TMEM38B: variants seen among roughly 807,000 people sequenced by gnomAD.
TMEM38B encodes transmembrane protein 38B, also known as trimeric intracellular cation channel type B.
TMEM38B carries 24 observed loss-of-function variants against 28.7 expected under a neutral mutation model. That is an observed-to-expected ratio of 0.84 (90% CI 0.61 to 1.18). The LOEUF is 1.18. Among genes scored for constraint, TMEM38B ranks in the 50% most tolerant of loss-of-function variants. TMEM38B has a pLI of 0.00. For missense variants in TMEM38B, 380 were observed against 350.9 expected, an observed-to-expected ratio of 1.08 and a Z score of -0.66; for synonymous variants, 131 against 127.7, an observed-to-expected ratio of 1.03 and a Z score of -0.17.
At chr9:105,723,831 A>T (rs1370423432) in intron 4 of TMEM38B, among the ~76,000 whole-genome samples, 1 of 134,862 alleles carries the variant, frequency 7.4e-6, no homozygotes, top group African/African-American at 2.8e-5. Context: ...GCCTGGCCGA[A>T]CTCAGTCTTT....
chr9:105,710,725 T>C (rs1407848802), intron 2 of TMEM38B: 11 of 621,746 alleles, frequency 1.8e-5, no homozygotes, highest in Non-Finnish European at 3.1e-5. Context: ...CCTGGTGTCG[T>C]TGGCTATGTT....
At chr9:105,733,414 C>CTTTTTTTTTTT (rs1238601451) in intron 4 of TMEM38B, among the ~76,000 whole-genome samples, 2 of 123,842 alleles carry the variant, frequency 1.6e-5, no homozygotes, top group African/African-American at 7.2e-5. Context: ...TTGCAGTTTT[C>CTTTTTTTTTTT]TTTTTTCTTT....
intron 4 of TMEM38B, among the ~76,000 whole-genome samples, chr9:105,734,913 C>G (rs929616723): frequency 6.7e-6 from 1 of 148,634 alleles, no homozygotes; most frequent in African/African-American, 2.5e-5. Flanking sequence ...TTTTTTAGGG[C>G]ATTTAATCCA....
chr9:105,714,208 C>T (rs1168661297), intron 2 of TMEM38B, among the ~76,000 whole-genome samples: 1 of 152,180 alleles, frequency 6.6e-6, no homozygotes, highest in Non-Finnish European at 1.5e-5. Flanking sequence ...CACCCACCTT[C>T]CTCTCAGCTG....
chr9:105,712,705 T>C (rs1477240702), intron 2 of TMEM38B, among the ~76,000 whole-genome samples: 1 of 152,220 alleles, frequency 6.6e-6, no homozygotes, highest in Non-Finnish European at 1.5e-5. Context: ...TATTTATTAG[T>C]TGGAATATTA....
chr9:105,760,515 A>G (rs936802583), intron 5 of TMEM38B: 2 of 743,342 alleles, frequency 2.7e-6, no homozygotes, highest in Non-Finnish European at 4.9e-6. Context: ...TTGAAAAGCA[A>G]AAAGTTTCTA....
chr9:105,719,124 C>CTT (rs1836224514), intron 2 of TMEM38B, among the ~76,000 whole-genome samples: 1 of 152,164 alleles, frequency 6.6e-6, no homozygotes, highest in African/African-American at 2.4e-5. Context: ...CTCTGCCTAA[C>CTT]TTTTTGTATA....
rs1033634894 is a variant in TMEM38B at position 105,775,835 on chromosome 9, T to C, written c.*1755T>C. 2.0e-5 allele frequency: 3 copies of C among 152,158 alleles called. No homozygotes were observed. Among genetic ancestry groups the C allele is most frequent in the African/African-American group, 7.2e-5 (3 of 41,444 alleles). 9.4% of individuals were successfully genotyped at this position (152,158 alleles called of 1,614,324 possible). On this transcript the variant is annotated 3_prime_UTR_variant, in exon 6 of 6. Coordinates refer to ENST00000374692, the MANE Select transcript of TMEM38B (RefSeq NM_018112.3). Reference sequence around the variant, plus strand: ...GCACCAATGGAGTATTACATTATTTTTATGTTTTATATTTTTCTTGAGGTA... The same window carrying C: ...GCACCAATGGAGTATTACATTATTTCTATGTTTTATATTTTTCTTGAGGTA...
intron 5 of TMEM38B, among the ~76,000 whole-genome samples, chr9:105,768,406 C>CT (rs1826444886): frequency 6.6e-6 from 1 of 151,592 alleles, no homozygotes; most frequent in African/African-American, 2.4e-5. Context: ...TTTTTTTCTC[C>CT]TTTTTGTATT....
chr9:105,761,304 A>G (rs748235170), intron 5 of TMEM38B, among the ~76,000 whole-genome samples: 3 of 152,030 alleles, frequency 2.0e-5, no homozygotes, highest in Non-Finnish European at 2.9e-5. Flanking sequence ...ATATGTGTAT[A>G]TTTTATCAGA....
rs537186271 is a variant in TMEM38B, at chr9:105,755,445, G to A, written c.660+7255G>A. ...GCACATCCTGTACATGTACCCCGATGTTAAATAAAAGTTGAAGAATGAAGA... is the reference window on the plus strand; with the variant it reads ...GCACATCCTGTACATGTACCCCGATATTAAATAAAAGTTGAAGAATGAAGA... On this transcript the variant is annotated intron_variant, in intron 5 of 5. Coordinates refer to ENST00000374692, the MANE Select transcript of TMEM38B (RefSeq NM_018112.3). Among the ~76,000 whole-genome samples, 134 of 152,156 alleles carry A rather than the reference G, an allele frequency of 8.8e-4. 1 individual carries two copies. The highest frequency in any genetic ancestry group is 3.2e-3 in the African/African-American group (132 of 41,508).
chr9:105,764,349 A>C (rs1053817273), intron 5 of TMEM38B, among the ~76,000 whole-genome samples: 3 of 152,148 alleles, frequency 2.0e-5, no homozygotes, highest in Non-Finnish European at 4.4e-5. Context: ...TCTCAGCCCG[A>C]AATCTCCTTA....
At position 105,728,200 on chromosome 9, in the gene TMEM38B, G is replaced by C. The variant is rs750546883; in HGVS notation, c.542+5579G>C. 3.9e-5 allele frequency among the ~76,000 whole-genome samples: 6 copies of C among 152,026 alleles called. No homozygotes were observed. In the South Asian group the frequency reaches 1.2e-3, roughly 32 times the overall value. ...GTTGGTTTGCTGTACCTATCAACTCGTCATTTACATTAGGTATTTCTCCTA... is the reference window on the plus strand; with the variant it reads ...GTTGGTTTGCTGTACCTATCAACTCCTCATTTACATTAGGTATTTCTCCTA... On this transcript the variant is annotated intron_variant, in intron 4 of 5. Transcript: ENST00000374692.
At chr9:105,699,415 C>T (rs1290353821) in intron 1 of TMEM38B, among the ~76,000 whole-genome samples, 8 of 152,274 alleles carry the variant, frequency 5.3e-5, no homozygotes, top group East Asian at 1.9e-4. Flanking sequence ...CCCTCTCAGA[C>T]GTGTTACTCC....
At chr9:105,758,085 T>G in intron 5 of TMEM38B, 1 of 384,596 alleles carries the variant, frequency 2.6e-6, no homozygotes, top group Non-Finnish European at 4.8e-6. Context: ...GTGGTTGTGC[T>G]GAGACTCGCC....
Position 105,721,434 on chromosome 9 carries a change from C to A in TMEM38B, c.270-103C>A, listed in dbSNP as rs7859053. 115 of 851,128 alleles carry A rather than the reference C, an allele frequency of 1.4e-4. No homozygotes were observed. The African/African-American group carries it at 1.8e-3, about 13-fold the overall frequency. 52.7% of individuals were successfully genotyped at this position (851,128 alleles called of 1,614,324 possible). A position where few individuals can be genotyped will look rare whatever the true frequency, so the allele number is the denominator to read the frequency against. ...AGTTAAATGTTTATATGGAAAATTC[C>A]ATTTGTTGTGTTTTGCCAAATTGTT... On this transcript the variant is annotated intron_variant, in intron 2 of 5. Transcript: ENST00000374692.
At chr9:105,730,797 G>A (rs903947879) in intron 4 of TMEM38B, among the ~76,000 whole-genome samples, 1 of 151,996 alleles carries the variant, frequency 6.6e-6, no homozygotes, top group Non-Finnish European at 1.5e-5. Context: ...GTCTTGGGAG[G>A]GTGTATGTGT....
At chr9:105,767,276 C>G (rs982563834) in intron 5 of TMEM38B, among the ~76,000 whole-genome samples, 3 of 151,858 alleles carry the variant, frequency 2.0e-5, no homozygotes, top group South Asian at 2.1e-4. Flanking sequence ...GGGTCTATTT[C>G]TAGACTATAT....
Position 105,694,595 on chromosome 9 carries a change from C to G in TMEM38B, c.-66C>G, listed in dbSNP as rs571840672. 3 of 1,387,598 alleles carry G rather than the reference C, an allele frequency of 2.2e-6. No homozygotes were observed. Among genetic ancestry groups the G allele is most frequent in the African/African-American group, 2.9e-5 (2 of 70,020 alleles). 86.0% of individuals were successfully genotyped at this position (1,387,598 alleles called of 1,614,324 possible). A position where few individuals can be genotyped will look rare whatever the true frequency, so the allele number is the denominator to read the frequency against. ...GGCCGCGGCTGTGCCCTCTCCTACT[C>G]CTCACCGCGCGAGCGCGGGGAACCA... is the stretch of plus-strand genomic sequence containing the variant. On this transcript the variant is annotated 5_prime_UTR_variant, in exon 1 of 6. Transcript: ENST00000374692.
Sources: allele counts gnomAD v4.1 joint callset (sites outside exome capture counted in the v4.1 genomes callset), GRCh38; gene constraint gnomAD v4.1.1; transcripts MANE v1.5; gene names NCBI Gene and HGNC (gene_info 2026-07-23, HGNC 2026-07-21).